ITGB5: variants seen among roughly 807,000 people sequenced by gnomAD.
ITGB5 encodes the protein integrin beta-5.
A neutral mutation model predicts 84.8 loss-of-function variants in ITGB5; 38 were observed. The observed-to-expected ratio is 0.45, with a 90% CI of 0.35 to 0.59. The LOEUF (loss-of-function observed/expected upper bound fraction) is 0.59, where lower values mean the gene tolerates loss of function less well. Among genes scored for constraint, ITGB5 ranks in the 20% least tolerant of loss-of-function variants. The pLI, the probability that ITGB5 is intolerant of heterozygous loss-of-function variation, is 0.01. For synonymous variants in ITGB5, 393 were observed against 414.4 expected (o/e 0.95, Z 0.63); for missense variants, 905 against 1,034.5 (o/e 0.87, Z 1.72).
At position 124,880,920 on chromosome 3, in the gene ITGB5, C is replaced by T. The variant is rs527834508; in HGVS notation, c.70+6011G>A. Among the ~76,000 whole-genome samples, 12 of 151,940 alleles carry T rather than the reference C, an allele frequency of 7.9e-5. No homozygotes were observed. In the South Asian group the frequency reaches 2.3e-3, roughly 29 times the overall value. Reference sequence around the variant, plus strand: ...CTCCAGCCTGGGCAACAGAGTGAGACTCCATCTCAAAATAAAATAAAAAAG... The same window carrying T: ...CTCCAGCCTGGGCAACAGAGTGAGATTCCATCTCAAAATAAAATAAAAAAG... On this transcript the variant is annotated intron_variant, in intron 1 of 14. Coordinates refer to ENST00000296181, the MANE Select transcript of ITGB5 (RefSeq NM_002213.5).
chr3:124,802,949 C>T (rs778312242), intron 9 of ITGB5, among the ~76,000 whole-genome samples: 22 of 152,182 alleles, frequency 1.4e-4, no homozygotes, highest in Non-Finnish European at 2.4e-4. Flanking sequence ...AACAAAGGGC[C>T]AGCTCGGGTC....
chr3:124,794,648 G>A (rs1207031984), intron 10 of ITGB5, among the ~76,000 whole-genome samples: 1 of 152,140 alleles, frequency 6.6e-6, no homozygotes, highest in Non-Finnish European at 1.5e-5. Flanking sequence ...CAGGCGTGGT[G>A]GTGGGTGCTT....
intron 2 of ITGB5, among the ~76,000 whole-genome samples, chr3:124,865,871 A>G (rs535254585): frequency 1.3e-5 from 2 of 152,266 alleles, no homozygotes; most frequent in African/African-American, 4.8e-5. Flanking sequence ...TTAGTTTGTT[A>G]CAACACTGGT....
At chr3:124,862,507 A>G (rs964852411) in intron 2 of ITGB5, 17 of 152,212 alleles carry the variant, frequency 1.1e-4, no homozygotes, top group Admixed American at 1.1e-3. Flanking sequence ...GATACTACCC[A>G]TCATTGCAGA....
upstream of ITGB5, among the ~76,000 whole-genome samples, chr3:124,891,659 A>C (rs1935004837): frequency 6.6e-6 from 1 of 151,740 alleles, no homozygotes; most frequent in Middle Eastern, 3.5e-3. Context: ...GAAGTGGCTC[A>C]TGCCTGTAAT....
intron 2 of ITGB5, among the ~76,000 whole-genome samples, chr3:124,866,743 C>A (rs1451831562): frequency 6.6e-6 from 1 of 152,160 alleles, no homozygotes; most frequent in Non-Finnish European, 1.5e-5. Context: ...ACCTGCAGCT[C>A]CAACTTGGCA....
In ITGB5 at chr3:124,830,662, A is replaced by T. The variant is rs114583505; in HGVS notation, c.781-9188T>A. ...GGGGCCCACACACATACTCACTGCC[A>T]CACTGCTAAGCAGCTCTCCTTGATA... On this transcript the variant is annotated intron_variant, in intron 5 of 14. Coordinates refer to ENST00000296181, the MANE Select transcript of ITGB5 (RefSeq NM_002213.5). 2.2e-3 allele frequency among the ~76,000 whole-genome samples: 331 copies of T among 152,318 alleles called. 3 individuals are homozygous for T. The highest frequency in any genetic ancestry group is 7.7e-3 in the African/African-American group (322 of 41,568).
At chr3:124,805,921 A>G (rs926693837) in intron 9 of ITGB5, among the ~76,000 whole-genome samples, 2 of 152,166 alleles carry the variant, frequency 1.3e-5, no homozygotes, top group Non-Finnish European at 2.9e-5. Context: ...ATTTCGAAAA[A>G]TATTTTTAAA....
intron 1 of ITGB5, among the ~76,000 whole-genome samples, chr3:124,877,258 C>T (rs374374069): frequency 3.3e-5 from 5 of 151,328 alleles, no homozygotes; most frequent in East Asian, 1.9e-4. Flanking sequence ...GGATTACAGG[C>T]GTGAGCTACC....
intron 7 of ITGB5, 148 bp downstream of exon 7, chr3:124,819,587 CTTAA>C: frequency 3.1e-6 from 2 of 652,244 alleles, no homozygotes; most frequent in East Asian, 2.7e-5. Flanking sequence ...TATGCGAATG[CTTAA>C]TTGTTTCCTC....
chr3:124,832,916 T>C (rs2064879657), intron 5 of ITGB5: 1 of 152,260 alleles, frequency 6.6e-6, no homozygotes, highest in South Asian at 2.1e-4. Flanking sequence ...AGATCTGAGC[T>C]TGGGGACAGA....
At chr3:124,832,525 C>G (rs1378373149) in intron 5 of ITGB5, among the ~76,000 whole-genome samples, 1 of 152,200 alleles carries the variant, frequency 6.6e-6, no homozygotes, top group Admixed American at 6.5e-5. Flanking sequence ...TCATTAGCAC[C>G]AGCACCTCAC....
intron 9 of ITGB5, among the ~76,000 whole-genome samples, chr3:124,799,757 G>A (rs1407574700): frequency 2.0e-5 from 3 of 152,138 alleles, no homozygotes; most frequent in South Asian, 2.1e-4. Flanking sequence ...TGATGAGTGG[G>A]GCCAGGCCTA....
At chr3:124,803,820 C>G (rs750509936) in intron 9 of ITGB5, among the ~76,000 whole-genome samples, 2 of 152,172 alleles carry the variant, frequency 1.3e-5, no homozygotes, top group Admixed American at 1.3e-4. Flanking sequence ...ACCAAGAAGC[C>G]GGATAAAGGT....
chr3:124,878,618 A>T (rs1016212015), intron 1 of ITGB5: 1 of 152,186 alleles, frequency 6.6e-6, no homozygotes, highest in African/African-American at 2.4e-5. Context: ...CTTGATGTCC[A>T]GGAACTCACA....
intron 11 of ITGB5, among the ~76,000 whole-genome samples, chr3:124,772,820 T>C (rs2063865846): frequency 6.6e-6 from 1 of 152,142 alleles, no homozygotes; most frequent in South Asian, 2.1e-4. Context: ...CGTGTTCTAT[T>C]ATCTGTATAA....
intron 9 of ITGB5, among the ~76,000 whole-genome samples, chr3:124,798,055 C>CTTTTTTTTTTTTTTTTTTTTTTTTTTTTT (rs60292129): frequency 2.9e-5 from 3 of 103,656 alleles, no homozygotes; most frequent in South Asian, 3.9e-4. Flanking sequence ...TAGAATAAAG[C>CTTTTTTTTTTTTTTTTTTTTTTTTTTTTT]TTTTTTTTTT....
intron 8 of ITGB5, among the ~76,000 whole-genome samples, chr3:124,816,151 CCT>C (rs1176940693): frequency 7.2e-5 from 11 of 152,138 alleles, no homozygotes; most frequent in African/African-American, 2.7e-4. Context: ...AGCCAAAAAT[CCT>C]CACTGCTGCC....
rs1370712690 is a variant in ITGB5 at position 124,886,502 on chromosome 3, C to A, written c.70+429G>T. On this transcript the variant is annotated intron_variant, in intron 1 of 14. Transcript: ENST00000296181. ...GGCTTTGGCTGGGGTTTCGAGACTCCCTTGCTTCTCCGGGAACAGGGCACC... is the reference window on the plus strand; with the variant it reads ...GGCTTTGGCTGGGGTTTCGAGACTCACTTGCTTCTCCGGGAACAGGGCACC... 2.6e-5 allele frequency among the ~76,000 whole-genome samples: 4 copies of A among 152,108 alleles called. No homozygotes were observed. In the East Asian group the frequency reaches 7.7e-4, roughly 29 times the overall value.
Sources: gnomAD v4.1 joint callset for allele counts (sites outside exome capture counted in the v4.1 genomes callset) on GRCh38, gnomAD v4.1.1 for gene constraint, MANE v1.5 for transcripts, NCBI Gene and HGNC (gene_info 2026-07-23, HGNC 2026-07-21) for gene names.